The following RIF1 variants were observed in gnomAD, a reference collection of about 807,000 sequenced individuals.
The protein encoded by RIF1 is telomere-associated protein RIF1.
Under a neutral mutation model 247.1 loss-of-function variants are expected in RIF1, and 45 were observed. The observed-to-expected ratio is 0.18, with a 90% CI of 0.14 to 0.23. RIF1 has a LOEUF of 0.23. RIF1 is among the 10% of genes least tolerant of loss of function. RIF1 has a pLI of 1.00. For missense variants in RIF1, 2,967 were observed against 2,862.5 expected (o/e 1.04, Z -0.83); for synonymous variants, 1,087 against 978.8 (o/e 1.11, Z -2.06).
intron 9 of RIF1, chr2:151,493,710 G>T: frequency 1.7e-6 from 2 of 1,201,772 alleles, no homozygotes; most frequent in Non-Finnish European, 2.3e-6. Context: ...AGATAAATTA[G>T]TGGTACAACC....
chr2:151,426,774 G>A (rs575332574), intron 8 of RIF1, among the ~76,000 whole-genome samples: 1 of 151,516 alleles, frequency 6.6e-6, no homozygotes, highest in South Asian at 2.1e-4. Context: ...GGCCTCCCGA[G>A]TAGCTGGGAT....
intron 26 of RIF1, 67 bp downstream of exon 26, chr2:151,460,186 A>G (rs1358098051): frequency 8.2e-7 from 1 of 1,218,838 alleles, no homozygotes. Context: ...TACAACTTTA[A>G]AAATTGGATG....
intron 14 of RIF1, among the ~76,000 whole-genome samples, chr2:151,439,470 G>A (rs904124480): frequency 2.7e-4 from 41 of 152,006 alleles, no homozygotes; most frequent in Non-Finnish European, 5.3e-4. Context: ...TTTGAGACCC[G>A]TCTGACCAAC....
rs573146252 is a variant in RIF1 at position 151,473,644 on chromosome 2, T to C, written c.7096-320T>C. Among the ~76,000 whole-genome samples the C allele has an allele frequency of 9.2e-5, 14 of 152,292 alleles. No individual in the cohort carries two copies. The South Asian group carries it at 1.7e-3, about 18-fold the overall frequency. Reference sequence around the variant, plus strand: ...TATTTAAGCTTGGAAATCTCTGGTATAGACTTTTTTATACCACATTCTTAA... The same window carrying C: ...TATTTAAGCTTGGAAATCTCTGGTACAGACTTTTTTATACCACATTCTTAA... On this transcript the variant is annotated intron_variant, in intron 34 of 35. Transcript: ENST00000444746.
At chr2:151,451,893 C>T (rs1694375043) in intron 21 of RIF1, among the ~76,000 whole-genome samples, 188 bp downstream of exon 21, 2 of 152,030 alleles carry the variant, frequency 1.3e-5, no homozygotes, top group African/African-American at 4.8e-5. Context: ...TTTTCATATG[C>T]TCTGTATCAT....
intron 7 of RIF1, 71 bp downstream of exon 7, chr2:151,420,450 G>GTCT: frequency 6.8e-7 from 1 of 1,462,144 alleles, no homozygotes. Flanking sequence ...TTAAAATTCA[G>GTCT]TCTGGTGGCC....
At chr2:151,519,746 T>C in the RIF1 span, 3 of 1,611,850 alleles carry the variant, frequency 1.9e-6, no homozygotes, top group East Asian at 2.2e-5. Context: ...CTTTTCTTTA[T>C]CGAAATTTTC....
intron 15 of RIF1, among the ~76,000 whole-genome samples, chr2:151,440,843 T>A (rs910051840): frequency 6.6e-6 from 1 of 152,202 alleles, no homozygotes; most frequent in African/African-American, 2.4e-5. Flanking sequence ...AAAGACTAAG[T>A]GAATTGATAC....
chr2:151,525,075 G>T, the RIF1 span: 1 of 972,006 alleles, frequency 1.0e-6, no homozygotes, highest in South Asian at 1.4e-5. Flanking sequence ...AGGAATTAGA[G>T]TGACCACACA....
chr2:151,482,274 G>C (rs1290649437), downstream of RIF1: 2 of 152,188 alleles, frequency 1.3e-5, no homozygotes, highest in African/African-American at 2.4e-5. Flanking sequence ...ACCACAAAGT[G>C]TATGTTATAT....
rs774254049 is a variant in RIF1 at position 151,443,685 on chromosome 2, C to G, written c.1962C>G (p.Thr654=). 9 of 1,588,328 alleles carry G rather than the reference C, an allele frequency of 5.7e-6. No individual in the cohort carries two copies. The highest frequency in any genetic ancestry group is 7.7e-6 in the Non-Finnish European group (9 of 1,171,532). Residue 654 remains threonine (T), a synonymous_variant, in exon 18 of 36, where the codon ACC becomes ACG. Transcript: ENST00000444746. ...HLWKMWSVIV[T]PLTELINQTN... is the part of the protein sequence containing the mutation. ...GGAAAATGTGGAGTGTTATAGTCAC[C>G]CCATTAACTGAATTGATTAATCAGG...
At chr2:151,492,682 A>G (rs904210832) in intron 9 of RIF1, 7 of 407,544 alleles carry the variant, frequency 1.7e-5, no homozygotes, top group African/African-American at 4.1e-5. Context: ...AGTGGAAGAG[A>G]AAGGACTTGT....
chr2:151,463,798 G>A lies in RIF1; in HGVS notation c.4278G>A (p.Glu1426=). The A allele has an allele frequency of 2.5e-6, 4 of 1,612,708 alleles. No individual in the cohort carries two copies. The highest frequency in any genetic ancestry group is 3.4e-6 in the Non-Finnish European group (4 of 1,179,734). The change falls in exon 30 of 36, where the codon GAG becomes GAA. Residue 1426 remains glutamate (E), a synonymous_variant. Transcript: ENST00000444746. ...RSSRRRSEVV[E]STTESQDKEN... is the part of the protein sequence containing the mutation. ...CAAGGCGACGTTCAGAAGTAGTAGA[G>A]TCTACCACTGAAAGCCAAGATAAGG...
In RIF1 at chr2:151,459,056, T is replaced by G. The variant is rs527255630; in HGVS notation, c.2955+146T>G. 1.6e-4 allele frequency: 85 copies of G among 547,580 alleles called. 1 individual carries two copies. In the South Asian group the frequency reaches 2.2e-3, roughly 14 times the overall value. The allele number at this position is 547,580 out of a possible 1,614,324, so 33.9% of individuals were successfully genotyped here. On this transcript the variant is annotated intron_variant, in intron 25 of 35. Transcript: ENST00000444746. ...CAGTGGTGTGGCCTGAAATTTCTTT[T>G]GTGATTTTTCACTAGAGATTCTCAT...
intron 9 of RIF1, among the ~76,000 whole-genome samples, chr2:151,430,573 G>T (rs1689913875): frequency 6.6e-6 from 1 of 152,182 alleles, no homozygotes; most frequent in African/African-American, 2.4e-5. Flanking sequence ...GCCTGCCTCG[G>T]TCTCCCAAAG....
chr2:151,436,540 C>CAAA (rs561444176), intron 11 of RIF1, among the ~76,000 whole-genome samples: 2 of 60,796 alleles, frequency 3.3e-5, no homozygotes, highest in Non-Finnish European at 3.4e-5. Flanking sequence ...GACTCTGTCT[C>CAAA]AAAAAAAAAA....
the RIF1 span, among the ~76,000 whole-genome samples, chr2:151,530,190 C>T: frequency 6.6e-6 from 1 of 152,050 alleles, no homozygotes; most frequent in Non-Finnish European, 1.5e-5. Context: ...AATCATTCTG[C>T]CTTTTAAAAA....
chr2:151,501,618 T>G (rs1269341969), intron 11 of RIF1: 4 of 476,950 alleles, frequency 8.4e-6, no homozygotes, highest in Non-Finnish European at 1.5e-5. Context: ...CTTTTAAAAA[T>G]AGAGTTAACT....
At chr2:151,495,562 C>G (rs922395968) in intron 10 of RIF1, among the ~76,000 whole-genome samples, 2 of 152,202 alleles carry the variant, frequency 1.3e-5, no homozygotes, top group Non-Finnish European at 2.9e-5. Flanking sequence ...CCCCTGCAAA[C>G]CTCAATCCCT....
Sources: gnomAD v4.1 joint callset for allele counts (sites outside exome capture counted in the v4.1 genomes callset) on GRCh38, gnomAD v4.1.1 for gene constraint, MANE v1.5 for transcripts, NCBI Gene and HGNC (gene_info 2026-07-23, HGNC 2026-07-21) for gene names.